Variants in ANKRD60 observed in about 807,000 individuals in gnomAD.
ANKRD60 encodes ankyrin repeat domain 60, also known as ankyrin repeat domain-containing protein 60.
In ANKRD60, 24 loss-of-function variants were observed where a neutral mutation model predicts 21.3. The ratio of observed to expected loss-of-function variants is 1.13; its 90% CI spans 0.82 to 1.59. The LOEUF (loss-of-function observed/expected upper bound fraction) is 1.59. ANKRD60 is among the 40% of genes most tolerant of loss of function. The pLI is 0.00. For synonymous variants in ANKRD60, 182 were observed against 199.4 expected, an observed-to-expected ratio of 0.91 and a Z score of 0.74; for missense variants, 490 against 466.7, an observed-to-expected ratio of 1.05 and a Z score of -0.46.
intron 3 of ANKRD60, among the ~76,000 whole-genome samples, chr20:58,220,713 T>C (rs1720924640): frequency 1.8e-5 from 1 of 54,728 alleles, no homozygotes; most frequent in Non-Finnish European, 5.3e-5. Flanking sequence ...TGTGTGTGTG[T>C]GTGTGTGTGT....
exon 4 of ANKRD60, chr20:58,218,505 G>A: frequency 1.9e-6 from 3 of 1,550,696 alleles, no homozygotes; most frequent in Non-Finnish European, 2.6e-6. Flanking sequence ...CTAATGAGGG[G>A]TCATCGTCAT....
chr20:58,225,574 A>G lies in ANKRD60; in HGVS notation c.431-2392T>C, dbSNP rs375610212. On this transcript the variant is annotated intron_variant, in intron 1 of 3. Transcript: ENST00000457363. Reference sequence around the variant, plus strand: ...TGCGTCATTTCTGTCCAGAGGGGGAAACGGCTCCGAGAATTCCAGAGCTGG... The same window carrying G: ...TGCGTCATTTCTGTCCAGAGGGGGAGACGGCTCCGAGAATTCCAGAGCTGG... 3.3e-5 allele frequency among the ~76,000 whole-genome samples: 5 copies of G among 152,196 alleles called. No individual in the cohort carries two copies. In the South Asian group the frequency reaches 8.3e-4, roughly 25 times the overall value.
At position 58,226,594 on chromosome 20, in the gene ANKRD60, T is replaced by C. The variant is rs75891925; in HGVS notation, c.430+1630A>G. On this transcript the variant is annotated intron_variant, in intron 1 of 3. Coordinates refer to ENST00000457363, the Ensembl canonical transcript of ANKRD60. ...TTGTTTGAACCTTGACTTCCTGACA[T>C]GGACATGGCCAGCTTCAACCTTGGA... Among the ~76,000 whole-genome samples the C allele has an allele frequency of 3.8e-3, 575 of 152,314 alleles. 3 individuals carry two copies. Among genetic ancestry groups the C allele is most frequent in the Non-Finnish European group, 6.2e-3 (421 of 68,028 alleles).
At chr20:58,222,928 C>T in intron 2 of ANKRD60, 124 bp downstream of exon 2, 3 of 1,209,882 alleles carry the variant, frequency 2.5e-6, no homozygotes, top group Non-Finnish European at 3.3e-6. Context: ...TGACACGGCT[C>T]ATCGTTCTCT....
intron 1 of ANKRD60, among the ~76,000 whole-genome samples, chr20:58,225,612 A>G (rs953374479): frequency 7.9e-5 from 12 of 151,956 alleles, no homozygotes; most frequent in African/African-American, 2.9e-4. Flanking sequence ...TCTCTGTGTT[A>G]CGGATTAGGA....
At chr20:58,218,865 C>T (rs1040347433) in intron 3 of ANKRD60, 60 bp from the exon 4 acceptor site, 87 of 1,452,680 alleles carry the variant, frequency 6.0e-5, no homozygotes, top group Admixed American at 9.2e-5. Flanking sequence ...CAGGAGGGGT[C>T]CAGGGCTGTG....
chr20:58,228,565 C>T lies in ANKRD60; in HGVS notation c.89G>A (p.Arg30His). 1 of 1,216,370 alleles carries T rather than the reference C, an allele frequency of 8.2e-7. No homozygotes were observed. Among genetic ancestry groups the T allele is most frequent in the South Asian group, 3.6e-5 (1 of 27,776 alleles). 75.3% of individuals were successfully genotyped at this position (1,216,370 alleles called of 1,614,324 possible). A position where few individuals can be genotyped will look rare whatever the true frequency, so the allele number is the denominator to read the frequency against. The change falls in exon 1 of 4, where the codon CGC becomes CAC. Residue 30 changes from arginine (R) to histidine (H), a missense_variant. Physicochemically the swap from Arg to His is conservative, Grantham distance 29. Transcript: ENST00000457363. This position sits in a 1 kb window ranked among gnomAD's most constrained non-coding sequence, Gnocchi z 5.3. ...CCTGCGTCCCGCATTGGGGTGCAGG[C>T]GAGAGGCGCCCCCAGTTGGCCCCGC...
exon 4 of ANKRD60, chr20:58,218,564 G>A: frequency 6.4e-7 from 1 of 1,551,666 alleles, no homozygotes; most frequent in Non-Finnish European, 8.7e-7. Context: ...CATTCTTCAT[G>A]ACCAAGTCAT....
rs546807532 is a variant in ANKRD60, at chr20:58,220,534, C to A, written c.727+804G>T. Among the ~76,000 whole-genome samples the A allele has an allele frequency of 7.9e-5, 11 of 138,892 alleles. No individual in the cohort carries two copies. In the East Asian group the frequency reaches 2.0e-3, roughly 25 times the overall value. The allele number at this position is 138,892 out of a possible 152,430, so 91.1% of individuals were successfully genotyped here. A position where few individuals can be genotyped will look rare whatever the true frequency, so the allele number is the denominator to read the frequency against. On this transcript the variant is annotated intron_variant, in intron 3 of 3. Transcript: ENST00000457363. ...GAGAGAGAGAGAGAGTGGAAGGAGG[C>A]CCTTAAGTGGAGGTGGGTTGAAAAG...
chr20:58,217,436 GA>G (rs372536329), downstream of ANKRD60, among the ~76,000 whole-genome samples: 1,796 of 144,876 alleles, frequency 0.012, 31 homozygotes, highest in African/African-American at 0.037. Context: ...CTCAAAAAAA[GA>G]AAAAAAAAAA....
chr20:58,223,815 G>A (rs541128175), intron 1 of ANKRD60, among the ~76,000 whole-genome samples: 1 of 152,244 alleles, frequency 6.6e-6, no homozygotes, highest in Non-Finnish European at 1.5e-5. Context: ...AATCAAACAT[G>A]CCTCCAGGCC....
intron 2 of ANKRD60, 91 bp downstream of exon 2, chr20:58,222,961 T>C (rs573485): frequency 0.29 from 393,638 of 1,380,622 alleles, 58,898 homozygotes; most frequent in South Asian, 0.45. Flanking sequence ...GAAACTGTTA[T>C]TCACATATCC....
At chr20:58,218,926 G>T (rs1226001127) in intron 3 of ANKRD60, 121 bp from the exon 4 acceptor site, 14 of 890,102 alleles carry the variant, frequency 1.6e-5, no homozygotes, top group Non-Finnish European at 2.3e-5. Flanking sequence ...CTCCAGTACT[G>T]CCCTGCCCCC....
At chr20:58,217,625 G>A (rs1178872936), downstream of ANKRD60, among the ~76,000 whole-genome samples, 1 of 152,006 alleles carries the variant, frequency 6.6e-6, no homozygotes, top group African/African-American at 2.4e-5. Flanking sequence ...GCACTCGGCA[G>A]GCTGGGACCC....
intron 1 of ANKRD60, among the ~76,000 whole-genome samples, chr20:58,226,926 C>T (rs556478769): frequency 3.9e-5 from 6 of 151,952 alleles, no homozygotes; most frequent in South Asian, 4.2e-4. Flanking sequence ...AGTTGGAGGC[C>T]GGGGGTCCAG....
In ANKRD60 at chr20:58,228,423, G is replaced by A; in HGVS notation, c.231C>T (p.Val77=). ...AGGCACTCGCGGCCTTCGGGTCACA[G>A]ACGAGCCGCTGGCTCCGGCCGCGGG... The change falls in exon 1 of 4, where the codon GTC becomes GTT. Residue 77 remains valine (V), a synonymous_variant. Coordinates refer to ENST00000457363, the Ensembl canonical transcript of ANKRD60. The surrounding 1 kb of genome is among the most constrained non-coding windows in gnomAD (Gnocchi z 5.3). 3 of 1,541,098 alleles carry A rather than the reference G, an allele frequency of 1.9e-6. No individual in the cohort carries two copies. Among genetic ancestry groups the A allele is most frequent in the Non-Finnish European group, 2.6e-6 (3 of 1,146,010 alleles).
chr20:58,219,036 T>G (rs1243597908), intron 3 of ANKRD60, among the ~76,000 whole-genome samples: 1 of 152,066 alleles, frequency 6.6e-6, no homozygotes, highest in South Asian at 2.1e-4. Flanking sequence ...TGGGGTGATG[T>G]TCTAGGTCTT....
At chr20:58,220,318 A>T (rs973827472) in intron 3 of ANKRD60, among the ~76,000 whole-genome samples, 2 of 152,248 alleles carry the variant, frequency 1.3e-5, no homozygotes, top group South Asian at 4.1e-4. Context: ...GCTGTTCTCC[A>T]TTGTTCTCCA....
chr20:58,217,200 G>T (rs1984154296), downstream of ANKRD60, among the ~76,000 whole-genome samples: 1 of 152,192 alleles, frequency 6.6e-6, no homozygotes, highest in Admixed American at 6.5e-5. Context: ...GGAGGCCGAG[G>T]GGGGCAGATC....
Sources: gnomAD v4.1 joint callset for allele counts (sites outside exome capture counted in the v4.1 genomes callset) on GRCh38, gnomAD v4.1.1 for gene constraint, Gnocchi (gnomAD v3.1) non-coding constraint, MANE v1.5 for transcripts, NCBI Gene and HGNC (gene_info 2026-07-23, HGNC 2026-07-21) for gene names.